RIMBP2: variants seen among roughly 807,000 people sequenced by gnomAD.
The protein encoded by RIMBP2 is RIMS binding protein 2.
RIMBP2 carries 48 observed loss-of-function variants against 118.6 expected under a neutral mutation model. The observed-to-expected ratio is 0.40, with a 90% CI of 0.32 to 0.51. RIMBP2 has a LOEUF of 0.51. RIMBP2 is among the 20% of genes least tolerant of loss of function. The pLI is 0.41. For synonymous variants in RIMBP2, 762 were observed against 742.9 expected (o/e 1.03, Z -0.42); for missense variants, 1,551 against 1,768.3 (o/e 0.88, Z 2.20).
At chr12:130,417,149 G>A (rs187718404) in intron 17 of RIMBP2, among the ~76,000 whole-genome samples, 144 of 152,232 alleles carry the variant, frequency 9.5e-4, no homozygotes, top group African/African-American at 3.1e-3. Context: ...TGGAGGGAAC[G>A]GAAATTAGTT....
Position 130,422,607 on chromosome 12 carries a change from G to A in RIMBP2, c.3130-46C>T, listed in dbSNP as rs1413426771. ...AAGTCGTAAGTCTCGCCAGCATTGGGAACTGAAGAATTCAGTTAGCCAAAT... is the reference window on the plus strand; with the variant it reads ...AAGTCGTAAGTCTCGCCAGCATTGGAAACTGAAGAATTCAGTTAGCCAAAT... On this transcript the variant is annotated intron_variant, in intron 16 of 22. Transcript: ENST00000690449. The surrounding 1 kb of genome is among the most constrained non-coding windows in gnomAD (Gnocchi z 5.2). 4.4e-6 allele frequency: 6 copies of A among 1,356,070 alleles called. No individual in the cohort carries two copies. Among genetic ancestry groups the A allele is most frequent in the Non-Finnish European group, 6.2e-6 (6 of 969,366 alleles). 84.0% of individuals were successfully genotyped at this position (1,356,070 alleles called of 1,614,324 possible). A position where few individuals can be genotyped will look rare whatever the true frequency, so the allele number is the denominator to read the frequency against.
At chr12:130,535,742 T>G (rs879649558) in intron 2 of RIMBP2, among the ~76,000 whole-genome samples, 1 of 23,128 alleles carries the variant, frequency 4.3e-5, no homozygotes, top group Non-Finnish European at 1.1e-4. Context: ...TATATACATA[T>G]ATATATATAT....
chr12:130,623,857 A>T lies in RIMBP2; in HGVS notation c.-217+4465T>A, dbSNP rs1330836173. On this transcript the variant is annotated intron_variant, in intron 2 of 22. Transcript: ENST00000690449. The surrounding 1 kb of genome is among the most constrained non-coding windows in gnomAD (Gnocchi z 4.1). ...TCAAGCAGATAATCCCACGGTGTAC[A>T]CCACAGTCTCCCAGAGGTTCCACAG... is the stretch of plus-strand genomic sequence containing the variant. 6.6e-6 allele frequency among the ~76,000 whole-genome samples: 1 copy of T among 152,168 alleles called. No homozygotes were observed. Among genetic ancestry groups the T allele is most frequent in the South Asian group, 2.1e-4 (1 of 4,830 alleles).
intron 13 of RIMBP2, 135 bp downstream of exon 13, chr12:130,436,707 G>A: frequency 3.4e-6 from 2 of 587,894 alleles, no homozygotes; most frequent in East Asian, 3.4e-5. Context: ...CACCAGCAAA[G>A]CGGTGGGCTG....
intron 2 of RIMBP2, among the ~76,000 whole-genome samples, chr12:130,602,319 C>T (rs2059924246): frequency 1.3e-5 from 2 of 152,226 alleles, no homozygotes; most frequent in African/African-American, 4.8e-5. Flanking sequence ...CAACACCTAA[C>T]CTACCTTATC....
At chr12:130,696,220 T>G (rs997109438) in intron 1 of RIMBP2, among the ~76,000 whole-genome samples, 2 of 152,124 alleles carry the variant, frequency 1.3e-5, no homozygotes, top group African/African-American at 4.8e-5. Context: ...AAAACCTTAC[T>G]GGGAGTGCAG....
At chr12:130,481,923 C>G (rs1313354902) in intron 4 of RIMBP2, among the ~76,000 whole-genome samples, 2 of 136,986 alleles carry the variant, frequency 1.5e-5, no homozygotes, top group Non-Finnish European at 3.3e-5. Context: ...TTCCCCCCGA[C>G]CCCCCAAGCC....
chr12:130,604,577 C>G (rs529215177), intron 2 of RIMBP2, among the ~76,000 whole-genome samples: 7 of 68,160 alleles, frequency 1.0e-4, no homozygotes, highest in Non-Finnish European at 2.0e-4. Context: ...ACAGATGCCC[C>G]TTTTCTTTCT....
intron 1 of RIMBP2, among the ~76,000 whole-genome samples, chr12:130,676,553 G>T (rs377085213): frequency 1.0e-3 from 155 of 151,992 alleles, no homozygotes; most frequent in African/African-American, 3.7e-3. Context: ...AACCCGGGAG[G>T]TGGAGGTTGC....
intron 4 of RIMBP2, among the ~76,000 whole-genome samples, chr12:130,491,580 C>T (rs1476597675): frequency 6.6e-6 from 1 of 152,190 alleles, no homozygotes; most frequent in African/African-American, 2.4e-5. Flanking sequence ...GGCAATCGCA[C>T]TTTCCTTCTC....
rs148728421 is a variant in RIMBP2 at position 130,399,390 on chromosome 12, A to G, written c.3900+289T>C. Among the ~76,000 whole-genome samples, 844 of 152,022 alleles carry G rather than the reference A, an allele frequency of 5.6e-3. 13 individuals are homozygous for G. The highest frequency in any genetic ancestry group is 0.018 in the South Asian group (85 of 4,808). On this transcript the variant is annotated intron_variant, in intron 22 of 22. Transcript: ENST00000690449. ...TCTGAAGAGGAGCCATCCCCTTTTC[A>G]CTCTTGATCAAACTGAAATGTGCTT...
intron 1 of RIMBP2, among the ~76,000 whole-genome samples, chr12:130,684,179 CAT>C (rs1182278088): frequency 1.4e-4 from 21 of 152,206 alleles, no homozygotes; most frequent in African/African-American, 4.6e-4. Context: ...CAGATGAACT[CAT>C]TCAACCAACT....
Position 130,670,122 on chromosome 12 carries a change from G to A in RIMBP2, c.-351-41666C>T, listed in dbSNP as rs753925517. Among the ~76,000 whole-genome samples the A allele has an allele frequency of 6.6e-6, 1 of 152,018 alleles. No homozygotes were observed. Among genetic ancestry groups the A allele is most frequent in the Admixed American group, 6.5e-5 (1 of 15,268 alleles). On this transcript the variant is annotated intron_variant, in intron 1 of 22. Transcript: ENST00000690449. This position sits in a 1 kb window ranked among gnomAD's most constrained non-coding sequence, Gnocchi z 4.9. ...AAGAGGAGAGGGTAATGTGACCCCG[G>A]GGGCAGACACTGGAGTGATGCTGCC...
intron 2 of RIMBP2, among the ~76,000 whole-genome samples, chr12:130,557,400 G>C (rs376613505): frequency 6.6e-6 from 1 of 152,196 alleles, no homozygotes; most frequent in Non-Finnish European, 1.5e-5. Flanking sequence ...GTCCCATCAG[G>C]CCATCTGAAA....
chr12:130,425,309 G>A (rs540269693), intron 15 of RIMBP2: 178 of 156,572 alleles, frequency 1.1e-3, no homozygotes, highest in Middle Eastern at 3.2e-3. Flanking sequence ...CACCAGACAC[G>A]GAGCCTGACC....
chr12:130,517,899 C>T lies in RIMBP2; in HGVS notation c.-198G>A. On this transcript the variant is annotated 5_prime_UTR_variant, in exon 3 of 23. An upstream start codon of the reference 5' UTR is lost. Transcript: ENST00000690449. ...CTCAGGAGATACTCTCCCTGGGTGG[C>T]ATCCTTCAGTTCATTTTCCTAGGAC... 1 of 985,548 alleles carries T rather than the reference C, an allele frequency of 1.0e-6. No homozygotes were observed. Among genetic ancestry groups the T allele is most frequent in the Non-Finnish European group, 1.2e-6 (1 of 829,680 alleles). The allele number at this position is 985,548 out of a possible 1,614,324, so 61.1% of individuals were successfully genotyped here.
At position 130,421,231 on chromosome 12, in the gene RIMBP2, C is replaced by T. The variant is rs376811906; in HGVS notation, c.3238+1222G>A. ...AGACACACACTAGGTTTAGAATACC[C>T]GAAAGGAATCTGGGCTCCACTAACC... On this transcript the variant is annotated intron_variant, in intron 17 of 22. Transcript: ENST00000690449. 5.9e-5 allele frequency among the ~76,000 whole-genome samples: 9 copies of T among 152,286 alleles called. No individual in the cohort carries two copies. The South Asian group carries it at 1.0e-3, about 18-fold the overall frequency.
chr12:130,603,651 A>G (rs2059996018), intron 2 of RIMBP2, among the ~76,000 whole-genome samples: 1 of 152,238 alleles, frequency 6.6e-6, no homozygotes, highest in African/African-American at 2.4e-5. Flanking sequence ...GGAGGGACAC[A>G]TACTTGCCAT....
At chr12:130,609,137 G>A (rs369186548) in intron 2 of RIMBP2, among the ~76,000 whole-genome samples, 5 of 152,092 alleles carry the variant, frequency 3.3e-5, no homozygotes, top group African/African-American at 9.7e-5. Context: ...GAATGGCCAC[G>A]AGCCCACTAT....
Sources: gnomAD v4.1 joint callset for allele counts (sites outside exome capture counted in the v4.1 genomes callset) on GRCh38, gnomAD v4.1.1 for gene constraint, Gnocchi (gnomAD v3.1) non-coding constraint, MANE v1.5 for transcripts, NCBI Gene and HGNC (gene_info 2026-07-23, HGNC 2026-07-21) for gene names.